The following IQGAP3 variants were observed in gnomAD, a reference collection of about 807,000 sequenced individuals.
IQGAP3 encodes the protein ras GTPase-activating-like protein IQGAP3.
IQGAP3 carries 165 observed loss-of-function variants against 208.2 expected under a neutral mutation model. The ratio of observed to expected loss-of-function variants is 0.79; its 90% CI spans 0.70 to 0.90. The LOEUF is 0.90. IQGAP3 is among the 40% of genes least tolerant of loss of function. The probability of loss-of-function intolerance (pLI) is 0.00; values close to 1 mark genes in which losing one functional copy is unlikely to be tolerated. For synonymous variants in IQGAP3, 703 were observed against 803.6 expected (o/e 0.87, Z 2.12); for missense variants, 1,811 against 2,043.1 (o/e 0.89, Z 2.19).
Position 156,543,963 on chromosome 1 carries a change from G to A in IQGAP3, c.2530+18C>T. 1.2e-6 allele frequency: 2 copies of A among 1,612,206 alleles called. No homozygotes were observed. ...CTCTCCCTCCCAACAGCTGGGGAGG[G>A]TGGATCAGGCAGCTCACCTAATATC... On this transcript the variant is annotated intron_variant, in intron 22 of 37. Coordinates refer to ENST00000361170, the MANE Select transcript of IQGAP3 (RefSeq NM_178229.5).
intron 22 of IQGAP3, among the ~76,000 whole-genome samples, chr1:156,543,432 T>C (rs1010351507): frequency 6.6e-6 from 1 of 152,204 alleles, no homozygotes; most frequent in African/African-American, 2.4e-5. Flanking sequence ...AATGTAGAAA[T>C]GGACTACTTG....
intron 12 of IQGAP3, among the ~76,000 whole-genome samples, chr1:156,554,679 T>C (rs886091223): frequency 3.9e-5 from 6 of 152,164 alleles, no homozygotes; most frequent in African/African-American, 9.7e-5. Flanking sequence ...CGACCAATAA[T>C]GTAAGTCAAA....
At chr1:156,531,110 G>T in intron 33 of IQGAP3, 50 bp downstream of exon 33, 1 of 1,283,308 alleles carries the variant, frequency 7.8e-7, no homozygotes, top group South Asian at 1.2e-5. Context: ...CAGGTGGGAT[G>T]AGGTGGGGGA....
chr1:156,532,836 A>G, intron 32 of IQGAP3, 144 bp downstream of exon 32: 1 of 775,676 alleles, frequency 1.3e-6, no homozygotes, highest in East Asian at 2.8e-5. Flanking sequence ...AGCGAGGGGA[A>G]TAAAGGTAGG....
chr1:156,550,532 G>A (rs1405847652), intron 15 of IQGAP3, among the ~76,000 whole-genome samples, 181 bp from the exon 16 acceptor site: 1 of 152,150 alleles, frequency 6.6e-6, no homozygotes, highest in African/African-American at 2.4e-5. Flanking sequence ...CTGGGACGCG[G>A]CCAGGCTCAG....
rs902293277 is a variant in IQGAP3, at chr1:156,562,334, C to CGG, written c.877+251_877+252dup. ...AAGGACCCCAGTCCAACTGCCCCCC[C>CGG]GGCATCAAGAGCTGCTCCTCTCTAT... is the stretch of plus-strand genomic sequence containing the variant. On this transcript the variant is annotated intron_variant, in intron 9 of 37. Coordinates refer to ENST00000361170, the MANE Select transcript of IQGAP3 (RefSeq NM_178229.5). Among the ~76,000 whole-genome samples, 41 of 151,916 alleles carry CGG rather than the reference C, an allele frequency of 2.7e-4. No homozygotes were observed. The East Asian group carries it at 5.2e-3, about 19-fold the overall frequency.
At position 156,534,505 on chromosome 1, in the gene IQGAP3, A is replaced by G; in HGVS notation, c.3736T>C (p.Phe1246Leu). The change falls in exon 29 of 38, where the codon TTC becomes CTC. Residue 1246 changes from phenylalanine to leucine, a missense_variant. Phe to Leu is a conservative substitution (Grantham distance 22). Coordinates refer to ENST00000361170, the MANE Select transcript of IQGAP3 (RefSeq NM_178229.5). Reference protein sequence around the residue: ...NDYLEETHLKFRKFIHRACQV... With the variant: ...NDYLEETHLKLRKFIHRACQV... ...GAGAGGAAAGGGACCCAAGACCTGA[A>G]CTTGAGGTGTGTTTCCTCCAGATAG... The G allele has an allele frequency of 1.3e-6, 2 of 1,565,914 alleles. No homozygotes were observed. The highest frequency in any genetic ancestry group is 2.4e-5 in the South Asian group (2 of 84,704).
intron 19 of IQGAP3, among the ~76,000 whole-genome samples, chr1:156,547,642 G>C (rs1675322734): frequency 6.6e-6 from 1 of 152,116 alleles, no homozygotes. Flanking sequence ...TCTTCCCTTG[G>C]GGAAGCTAAG....
chr1:156,552,631 C>T (rs1675610453), intron 13 of IQGAP3, among the ~76,000 whole-genome samples: 1 of 152,238 alleles, frequency 6.6e-6, no homozygotes, highest in Admixed American at 6.5e-5. Context: ...CAAAATCTGA[C>T]TCCTTTTTCC....
At chr1:156,555,996 C>T (rs532505105) in intron 12 of IQGAP3, among the ~76,000 whole-genome samples, 1 of 152,346 alleles carries the variant, frequency 6.6e-6, no homozygotes, top group African/African-American at 2.4e-5. Context: ...AGGAAGACTT[C>T]CCGGCTCTGC....
chr1:156,549,493 A>G (rs1426492212), intron 16 of IQGAP3, among the ~76,000 whole-genome samples: 1 of 151,802 alleles, frequency 6.6e-6, no homozygotes, highest in Non-Finnish European at 1.5e-5. Context: ...AAAAAGAAAA[A>G]AAAAATTAGC....
At chr1:156,533,674 C>G (rs1407195528) in intron 31 of IQGAP3, 99 bp downstream of exon 31, 2 of 923,400 alleles carry the variant, frequency 2.2e-6, no homozygotes, top group African/African-American at 1.6e-5. Context: ...GGCACAAGAC[C>G]TAGGCTGCAT....
chr1:156,569,413 C>T lies in IQGAP3; in HGVS notation c.88G>A (p.Ala30Thr). The change falls in exon 2 of 38, where the codon GCC becomes ACC. Residue 30 changes from alanine to threonine, a missense_variant. Physicochemically the swap from Ala to Thr is moderately conservative, Grantham distance 58. Coordinates refer to ENST00000361170, the MANE Select transcript of IQGAP3 (RefSeq NM_178229.5). Reference protein sequence around the residue: ...EMDEQRRQNVAYQYLCRLEEA... With the variant: ...EMDEQRRQNVTYQYLCRLEEA... ...TCCAGCCGGCACAGGTACTGATAGGCAACATTCTGCCGCCTCTGCTCATCC... is the reference window on the plus strand; with the variant it reads ...TCCAGCCGGCACAGGTACTGATAGGTAACATTCTGCCGCCTCTGCTCATCC... 1 of 1,612,830 alleles carries T rather than the reference C, an allele frequency of 6.2e-7. No individual in the cohort carries two copies. The highest frequency in any genetic ancestry group is 8.5e-7 in the Non-Finnish European group (1 of 1,179,514).
chr1:156,563,799 C>A lies in IQGAP3; in HGVS notation c.463G>T (p.Ala155Ser), dbSNP rs749261098. 5 of 1,613,906 alleles carry A rather than the reference C, an allele frequency of 3.1e-6. No individual in the cohort carries two copies. The highest frequency in any genetic ancestry group is 3.3e-5 in the Admixed American group (2 of 59,964). Residue 155 changes from alanine (A) to serine (S), a missense_variant, in exon 6 of 38, where the codon GCC (alanine) becomes TCC (serine). By Grantham distance (99) the Ala-to-Ser change is moderately conservative. Transcript: ENST00000361170. ...CCGTATAGATCATGTATCTGAGGGGCCAATCCCAGCCGGAAGAGGAAGAGA... is the reference window on the plus strand; with the variant it reads ...CCGTATAGATCATGTATCTGAGGGGACAATCCCAGCCGGAAGAGGAAGAGA... ...LSLFLFRLGL[A>S]PQIHDLYGKV...
At chr1:156,551,138 T>TA (rs1177030402) in intron 15 of IQGAP3, among the ~76,000 whole-genome samples, 1 of 152,200 alleles carries the variant, frequency 6.6e-6, no homozygotes, top group African/African-American at 2.4e-5. Context: ...TTATCTCACT[T>TA]ACACCCCATA....
intron 2 of IQGAP3, among the ~76,000 whole-genome samples, chr1:156,568,916 C>G (rs1467088190): frequency 6.6e-6 from 1 of 151,978 alleles, no homozygotes; most frequent in Non-Finnish European, 1.5e-5. Context: ...ACCCAGTTTT[C>G]TTCAGCAAGT....
At chr1:156,537,360 C>T (rs1674741107) in intron 26 of IQGAP3, 39 bp from the exon 27 acceptor site, 5 of 1,561,778 alleles carry the variant, frequency 3.2e-6, no homozygotes, top group Non-Finnish European at 4.3e-6. Context: ...CAGGAGCCCC[C>T]TCCAATGGCC....
chr1:156,548,893 C>G lies in IQGAP3; in HGVS notation c.1826-145G>C, dbSNP rs549132345. The stretch of plus-strand genomic sequence containing the variant: ...GTAGACGGGAACATCCCAGGATGGA[C>G]AGAGACACATGCATGAAAAGCAGCA... On this transcript the variant is annotated intron_variant, in intron 16 of 37. Transcript: ENST00000361170. 93 of 754,878 alleles carry G rather than the reference C, an allele frequency of 1.2e-4. No individual in the cohort carries two copies. In the African/African-American group the frequency reaches 1.3e-3, roughly 10 times the overall value. 46.8% of individuals were successfully genotyped at this position (754,878 alleles called of 1,614,324 possible). A position where few individuals can be genotyped will look rare whatever the true frequency, so the allele number is the denominator to read the frequency against.
At chr1:156,568,043 C>T (rs116168739) in intron 2 of IQGAP3, among the ~76,000 whole-genome samples, 1,899 of 152,232 alleles carry the variant, frequency 0.012, 25 homozygotes, top group African/African-American at 0.03. Flanking sequence ...AAAAGTGGAA[C>T]AAGCAGACAT....
Sources: gnomAD v4.1 joint callset for allele counts (sites outside exome capture counted in the v4.1 genomes callset) on GRCh38, gnomAD v4.1.1 for gene constraint, MANE v1.5 for transcripts, NCBI Gene and HGNC (gene_info 2026-07-23, HGNC 2026-07-21) for gene names.